Variants in HVCN1 observed in about 807,000 individuals in gnomAD.
HVCN1 encodes hydrogen voltage gated channel 1.
In HVCN1, 14 loss-of-function variants were observed where a neutral mutation model predicts 29.2. That is an observed-to-expected ratio of 0.48 (90% CI 0.32 to 0.75). The LOEUF is 0.75. Ranked by LOEUF, HVCN1 falls within the 30% of genes least tolerant of loss-of-function variation. The pLI, the probability that HVCN1 is intolerant of heterozygous loss-of-function variation, is 0.04. For synonymous variants in HVCN1, 131 were observed against 133.2 expected (o/e 0.98, Z 0.11); for missense variants, 263 against 341.8 (o/e 0.77, Z 1.82).
At chr12:110,700,010 C>A (rs749808607) in intron 2 of HVCN1, among the ~76,000 whole-genome samples, 3 of 152,176 alleles carry the variant, frequency 2.0e-5, no homozygotes, top group Non-Finnish European at 2.9e-5. Context: ...CAGGAGGACC[C>A]AGGAGGGGGC....
intron 1 of HVCN1, among the ~76,000 whole-genome samples, chr12:110,703,207 CAAAAAAAAAA>C (rs758737358): frequency 1.0e-5 from 1 of 98,784 alleles, no homozygotes; most frequent in Non-Finnish European, 2.0e-5. Flanking sequence ...ATGTCTCTAC[CAAAAAAAAAA>C]AAAAAAAAAA....
At chr12:110,671,364 G>A (rs187026543) in intron 3 of HVCN1, among the ~76,000 whole-genome samples, 25 of 152,236 alleles carry the variant, frequency 1.6e-4, no homozygotes, top group East Asian at 5.8e-4. Context: ...GTAAGGTCAC[G>A]TGAAGGTCAC....
chr12:110,673,133 C>T (rs541657429), intron 3 of HVCN1, among the ~76,000 whole-genome samples: 4 of 152,246 alleles, frequency 2.6e-5, no homozygotes, highest in Middle Eastern at 3.4e-3. Context: ...AATGACTTTG[C>T]CCAGAATGCT....
At chr12:110,670,901 G>C (rs1243128041) in intron 3 of HVCN1, among the ~76,000 whole-genome samples, 1 of 152,140 alleles carries the variant, frequency 6.6e-6, no homozygotes, top group Non-Finnish European at 1.5e-5. Flanking sequence ...CTTACAAAAA[G>C]AGAAAAGGGG....
At chr12:110,701,913 C>T (rs1279843971) in intron 2 of HVCN1, among the ~76,000 whole-genome samples, 1 of 150,906 alleles carries the variant, frequency 6.6e-6, no homozygotes, top group Non-Finnish European at 1.5e-5. Context: ...ACAACAACAA[C>T]AACAAAACAC....
intron 5 of HVCN1, 22 bp from the exon 6 acceptor site, chr12:110,651,470 A>C (rs1192779902): frequency 9.1e-6 from 14 of 1,541,654 alleles, no homozygotes; most frequent in Non-Finnish European, 1.3e-5. Flanking sequence ...AAGGAACCAC[A>C]GTCAGGGGAG....
At position 110,649,032 on chromosome 12, in the gene HVCN1, C is replaced by A. The variant is rs962491605; in HGVS notation, c.*378G>T. The A allele has an allele frequency of 4.1e-6, 2 of 490,214 alleles. No individual in the cohort carries two copies. The highest frequency in any genetic ancestry group is 7.9e-6 in the Non-Finnish European group (2 of 253,772). The allele number at this position is 490,214 out of a possible 1,614,324, so 30.4% of individuals were successfully genotyped here. Reference sequence around the variant, plus strand: ...GTGGCAGCTAAAGTAGCTTCTTTTTCTTTCTTTCAGAATGCTCAGATGCAT... The same window carrying A: ...GTGGCAGCTAAAGTAGCTTCTTTTTATTTCTTTCAGAATGCTCAGATGCAT... On this transcript the variant is annotated 3_prime_UTR_variant, in exon 8 of 8. Coordinates refer to ENST00000242607, the MANE Select transcript of HVCN1 (RefSeq NM_032369.4).
chr12:110,670,256 A>C (rs2068528702), intron 3 of HVCN1, among the ~76,000 whole-genome samples: 2 of 152,140 alleles, frequency 1.3e-5, no homozygotes, highest in South Asian at 4.1e-4. Flanking sequence ...GGGAGGGGGA[A>C]AGTCCCTAGT....
intron 5 of HVCN1, among the ~76,000 whole-genome samples, chr12:110,652,039 C>T (rs1316999367): frequency 2.6e-5 from 4 of 152,208 alleles, no homozygotes; most frequent in African/African-American, 9.6e-5. Context: ...GAGGCAGATC[C>T]ATATGTTCCA....
chr12:110,696,449 A>G (rs1262438765), intron 2 of HVCN1, among the ~76,000 whole-genome samples: 2 of 152,020 alleles, frequency 1.3e-5, no homozygotes, highest in East Asian at 3.9e-4. Flanking sequence ...ACATAGTGGC[A>G]TGCACCTGGA....
chr12:110,666,962 TTGTATGACACCTGACC>T lies in HVCN1; in HGVS notation c.22-5530_22-5515del, dbSNP rs2068385928. 2.0e-5 allele frequency among the ~76,000 whole-genome samples: 3 copies of T among 152,176 alleles called. No homozygotes were observed. In the South Asian group the frequency reaches 6.2e-4, roughly 31 times the overall value. ...AGGCAGGGTCTGTGTCCCCTGAGTC[TTGTATGACACCTGACC>T]TTGAGCAGAAGCCCATCATGCACCT... is the stretch of plus-strand genomic sequence containing the variant. On this transcript the variant is annotated intron_variant, in intron 3 of 7. Transcript: ENST00000242607.
At chr12:110,670,997 G>C (rs1027134784) in intron 3 of HVCN1, among the ~76,000 whole-genome samples, 1 of 152,152 alleles carries the variant, frequency 6.6e-6, no homozygotes, top group Non-Finnish European at 1.5e-5. Context: ...TTCAAGACTA[G>C]CATGGCCAAC....
intron 2 of HVCN1, among the ~76,000 whole-genome samples, chr12:110,696,733 C>T (rs2069498794): frequency 6.6e-6 from 1 of 152,166 alleles, no homozygotes; most frequent in Admixed American, 6.5e-5. Flanking sequence ...TTTCAAGCGT[C>T]ATCCATGTTG....
In HVCN1 at chr12:110,649,211, G is replaced by A; in HGVS notation, c.*199C>T. ...ATGTGATACATTTGATACAGTGTGG[G>A]GTGGGAGTGGATGGGCAGCTCTTGG... On this transcript the variant is annotated 3_prime_UTR_variant, in exon 8 of 8. Transcript: ENST00000242607. 1.5e-6 allele frequency: 1 copy of A among 678,078 alleles called. No homozygotes were observed. Among genetic ancestry groups the A allele is most frequent in the Non-Finnish European group, 2.7e-6 (1 of 373,502 alleles). 42.0% of individuals were successfully genotyped at this position (678,078 alleles called of 1,614,324 possible). A position where few individuals can be genotyped will look rare whatever the true frequency, so the allele number is the denominator to read the frequency against.
chr12:110,678,607 C>T (rs1282861550), intron 3 of HVCN1, among the ~76,000 whole-genome samples: 3 of 151,806 alleles, frequency 2.0e-5, no homozygotes, highest in Non-Finnish European at 4.4e-5. Context: ...TGCACCACCA[C>T]GCCTGGCTAA....
In HVCN1 at chr12:110,669,316, C is replaced by A. The variant is rs932466607; in HGVS notation, c.22-7868G>T. 3.3e-5 allele frequency among the ~76,000 whole-genome samples: 5 copies of A among 152,110 alleles called. No homozygotes were observed. In the East Asian group the frequency reaches 7.7e-4, roughly 24 times the overall value. On this transcript the variant is annotated intron_variant, in intron 3 of 7. Transcript: ENST00000242607. ...CCTCACCAGAACCTGCCCTGACCCT[C>A]CCTCCACCTGCCTGCAGCCAGGGTC... is the stretch of plus-strand genomic sequence containing the variant.
In HVCN1 at chr12:110,687,187, G is replaced by A. The variant is rs373430217; in HGVS notation, c.-20+1438C>T. On this transcript the variant is annotated intron_variant, in intron 2 of 7. Transcript: ENST00000242607. ...GGTGAAGAGGAAAGGGCAAGATCAC[G>A]ATCCTGGTAGACTGACATGTTACCT... Among the ~76,000 whole-genome samples, 7 of 151,510 alleles carry A rather than the reference G, an allele frequency of 4.6e-5. No individual in the cohort carries two copies. The South Asian group carries it at 1.2e-3, about 27-fold the overall frequency.
chr12:110,687,978 G>C (rs1445243333), intron 2 of HVCN1: 1 of 152,286 alleles, frequency 6.6e-6, no homozygotes, highest in African/African-American at 2.4e-5. Flanking sequence ...CCCTCACCTT[G>C]GTCTTACTCA....
At chr12:110,659,323 G>T (rs201105357) in intron 4 of HVCN1, among the ~76,000 whole-genome samples, 1 of 151,902 alleles carries the variant, frequency 6.6e-6, no homozygotes, top group East Asian at 1.9e-4. Flanking sequence ...GGAAAAAAAA[G>T]ACCAAAATAA....
Sources: gnomAD v4.1 joint callset for allele counts (sites outside exome capture counted in the v4.1 genomes callset) on GRCh38, gnomAD v4.1.1 for gene constraint, MANE v1.5 for transcripts, NCBI Gene and HGNC (gene_info 2026-07-23, HGNC 2026-07-21) for gene names.